The following AKT1S1 variants were observed in gnomAD, a reference collection of about 807,000 sequenced individuals.
AKT1S1 encodes the protein AKT1 substrate 1.
In AKT1S1, 17 loss-of-function variants were observed where a neutral mutation model predicts 21.2. The observed-to-expected ratio is 0.80, with a 90% CI of 0.55 to 1.20. The LOEUF is 1.20. Ranked by LOEUF, AKT1S1 falls within the 50% of genes most tolerant of loss-of-function variation. The pLI is 0.00. For missense variants in AKT1S1, 366 were observed against 368.3 expected, an observed-to-expected ratio of 0.99 and a Z score of 0.05; for synonymous variants, 181 against 165.6, an observed-to-expected ratio of 1.09 and a Z score of -0.72.
intron 4 of AKT1S1, 84 bp downstream of exon 4, chr19:49,871,463 G>C: frequency 6.4e-7 from 1 of 1,556,096 alleles, no homozygotes; most frequent in Admixed American, 1.7e-5. Flanking sequence ...GTGGAAAGCA[G>C]CATCCATGCT....
chr19:49,871,552 C>T lies in AKT1S1; in HGVS notation c.622G>A (p.Gly208Arg). 1 of 1,614,024 alleles carries T rather than the reference C, an allele frequency of 6.2e-7. No individual in the cohort carries two copies. Among genetic ancestry groups the T allele is most frequent in the African/African-American group, 1.3e-5 (1 of 75,044 alleles). The change falls in exon 4 of 5, where the codon GGG (glycine) becomes AGG (arginine). Residue 208 changes from glycine to arginine, a missense_variant. Physicochemically the swap from Gly to Arg is moderately radical, Grantham distance 125. Transcript: ENST00000344175. ...TEARSSDEENGPPSSPDLDRI... is the reference protein window; with the variant it reads ...TEARSSDEENRPPSSPDLDRI... ...TCCCCACATTTGCCCCTCACCGGCCCATTCTCCTCATCTGATGACCGCGCC... is the reference window on the plus strand; with the variant it reads ...TCCCCACATTTGCCCCTCACCGGCCTATTCTCCTCATCTGATGACCGCGCC...
Position 49,873,341 on chromosome 19 carries a change from C to T in AKT1S1, c.-7-39G>A, listed in dbSNP as rs1006323953. ...CAGGACAGAGGGGGCTGAGGCTTGG[C>T]GGCCTACATCATCGCCACCCACTCA... On this transcript the variant is annotated intron_variant, in intron 1 of 4. Transcript: ENST00000344175. This position sits in a 1 kb window ranked among gnomAD's most constrained non-coding sequence, Gnocchi z 6.9. The T allele has an allele frequency of 1.6e-5, 23 of 1,404,268 alleles. No individual in the cohort carries two copies. In the East Asian group the frequency reaches 4.7e-4, roughly 29 times the overall value. The allele number at this position is 1,404,268 out of a possible 1,614,324, so 87.0% of individuals were successfully genotyped here.
chr19:49,877,501 G>T, upstream of AKT1S1: 1 of 547,144 alleles, frequency 1.8e-6, no homozygotes, highest in Admixed American at 3.5e-5. Flanking sequence ...CGCACTCTCC[G>T]TAGCCGGATC....
upstream of AKT1S1, chr19:49,877,971 G>T: frequency 1.5e-6 from 1 of 684,976 alleles, no homozygotes; most frequent in South Asian, 1.9e-5. Context: ...CCTGTGGAAC[G>T]CACGTCAGCA....
Position 49,869,815 on chromosome 19 carries a change from G to C in AKT1S1, c.*102C>G. The C allele has an allele frequency of 8.1e-7, 1 of 1,232,170 alleles. No individual in the cohort carries two copies. The highest frequency in any genetic ancestry group is 1.1e-6 in the Non-Finnish European group (1 of 946,540). 76.3% of individuals were successfully genotyped at this position (1,232,170 alleles called of 1,614,324 possible). ...ATCTTGGGAATGGGAGACGCAAGGAGGCCGGTCCCGGATCGGCCTCAGATT... is the reference window on the plus strand; with the variant it reads ...ATCTTGGGAATGGGAGACGCAAGGACGCCGGTCCCGGATCGGCCTCAGATT... On this transcript the variant is annotated 3_prime_UTR_variant, in exon 5 of 5. Coordinates refer to ENST00000344175, the MANE Select transcript of AKT1S1 (RefSeq NM_001098633.4).
chr19:49,876,721 T>G, intron 1 of AKT1S1: 1 of 1,402,360 alleles, frequency 7.1e-7, no homozygotes, highest in Non-Finnish European at 9.3e-7. Flanking sequence ...GCCTCCCTTA[T>G]CGGGGCCGCC....
intron 2 of AKT1S1, 55 bp from the exon 3 acceptor site, chr19:49,871,944 T>C (rs1347959410): frequency 1.9e-6 from 3 of 1,570,062 alleles, no homozygotes; most frequent in Non-Finnish European, 2.6e-6. Context: ...CCATGCTCCA[T>C]GTGTCCTCCT....
At chr19:49,877,620 C>T (rs2074965089), upstream of AKT1S1, 1 of 1,341,686 alleles carries the variant, frequency 7.5e-7, no homozygotes, top group East Asian at 2.5e-5. Flanking sequence ...ACGGGTCGGG[C>T]CGCTACCACT....
At chr19:49,877,606 T>C, upstream of AKT1S1, 2 of 1,151,530 alleles carry the variant, frequency 1.7e-6, no homozygotes, top group Non-Finnish European at 2.5e-6. Context: ...GCTCCTTCTC[T>C]AGAACGGGTC....
At chr19:49,876,037 G>A in intron 1 of AKT1S1, 1 of 985,492 alleles carries the variant, frequency 1.0e-6, no homozygotes, top group East Asian at 1.1e-4. Context: ...CTCTTTGGAT[G>A]CAGGGAGGAG....
chr19:49,878,178 C>T (rs138066596), upstream of AKT1S1: 114 of 1,577,028 alleles, frequency 7.2e-5, no homozygotes, highest in African/African-American at 1.4e-3. Context: ...ACCTGCACAC[C>T]AGCGCTAAGA....
At position 49,869,960 on chromosome 19, in the gene AKT1S1, C is replaced by T. The variant is rs1464728787; in HGVS notation, c.728G>A (p.Arg243Gln). Residue 243 changes from arginine to glutamine, a missense_variant, in exon 5 of 5, where the codon CGG becomes CAG. Coordinates refer to ENST00000344175, the MANE Select transcript of AKT1S1 (RefSeq NM_001098633.4). ...CTTCTGGAAGTCGCTGGTGTTAAGC[C>T]GCGGCCGTGGCAGGTCCCCGAAGAC... The part of the protein sequence containing the change: ...TQVFGDLPRP[R>Q]LNTSDFQKLK... The T allele has an allele frequency of 2.6e-6, 4 of 1,540,910 alleles. No homozygotes were observed. The highest frequency in any genetic ancestry group is 3.5e-6 in the Non-Finnish European group (4 of 1,139,580).
chr19:49,872,617 C>T (rs930547943), intron 2 of AKT1S1, among the ~76,000 whole-genome samples: 10 of 152,194 alleles, frequency 6.6e-5, no homozygotes, highest in Admixed American at 2.0e-4. Context: ...CAACCCCCAC[C>T]GGGACTCCAG....
In AKT1S1 at chr19:49,871,545, A is replaced by G. The variant is rs555544285; in HGVS notation, c.627+2T>C. The G allele has an allele frequency of 3.1e-6, 5 of 1,613,796 alleles. No individual in the cohort carries two copies. Among genetic ancestry groups the G allele is most frequent in the Non-Finnish European group, 4.2e-6 (5 of 1,179,976 alleles). On this transcript the variant is annotated splice_donor_variant, in intron 4 of 4. Coordinates refer to ENST00000344175, the MANE Select transcript of AKT1S1 (RefSeq NM_001098633.4). LOFTEE classifies it high-confidence loss of function. Reference sequence around the variant, plus strand: ...CCCTACCTCCCCACATTTGCCCCTCACCGGCCCATTCTCCTCATCTGATGA... The same window carrying G: ...CCCTACCTCCCCACATTTGCCCCTCGCCGGCCCATTCTCCTCATCTGATGA...
Position 49,873,201 on chromosome 19 carries a change from G to A in AKT1S1, c.95C>T (p.Thr32Ile), listed in dbSNP as rs1189382926. Residue 32 changes from threonine to isoleucine, a missense_variant, in exon 2 of 5, where the codon ACC becomes ATC. Coordinates refer to ENST00000344175, the MANE Select transcript of AKT1S1 (RefSeq NM_001098633.4). This position sits in a 1 kb window ranked among gnomAD's most constrained non-coding sequence, Gnocchi z 6.9. ...ARTGTELVLLTAAPPPPPRPG... is the reference protein window; with the variant it reads ...ARTGTELVLLIAAPPPPPRPG... ...GCGGGGTGGTGGCGGCGGGGCCGCG[G>A]TCAGCAGCACCAGCTCCGTGCCAGT... is the stretch of plus-strand genomic sequence containing the variant. The A allele has an allele frequency of 5.2e-6, 8 of 1,531,622 alleles. No homozygotes were observed. In the Admixed American group the frequency reaches 7.9e-5, roughly 15 times the overall value. The allele number at this position is 1,531,622 out of a possible 1,614,324, so 94.9% of individuals were successfully genotyped here. A position where few individuals can be genotyped will look rare whatever the true frequency, so the allele number is the denominator to read the frequency against.
Position 49,871,676 on chromosome 19 carries a change from G to A in AKT1S1, c.498C>T (p.Thr166=). 1.2e-6 allele frequency: 2 copies of A among 1,613,616 alleles called. No individual in the cohort carries two copies. Among genetic ancestry groups the A allele is most frequent in the East Asian group, 2.2e-5 (1 of 44,878 alleles). The change falls in exon 4 of 5, where the codon ACC becomes ACT. Residue 166 remains threonine, a synonymous_variant. Transcript: ENST00000344175. ...LSEETPAGPP[T]CSVPPASALP... ...GGGCTGAGGCTGGGGGCACTGAGCA[G>A]GTGGGGGGGCCGGCGGGGGTCTCCT...
At chr19:49,876,162 C>T in intron 1 of AKT1S1, 1 of 1,001,962 alleles carries the variant, frequency 1.0e-6, no homozygotes, top group East Asian at 1.0e-4. Context: ...GGGGTGAGCG[C>T]CTGGGGCCAC....
At chr19:49,877,744 G>C, upstream of AKT1S1, 1 of 1,595,498 alleles carries the variant, frequency 6.3e-7, no homozygotes, top group Non-Finnish European at 8.5e-7. Context: ...CCGGCTACAG[G>C]GTAAGCACTG....
At chr19:49,878,075 T>C, upstream of AKT1S1, 1 of 1,322,180 alleles carries the variant, frequency 7.6e-7, no homozygotes, top group South Asian at 1.3e-5. Flanking sequence ...CCTGGGCCCG[T>C]CCCTATTGGC....
Sources: gnomAD v4.1 joint callset for allele counts (sites outside exome capture counted in the v4.1 genomes callset) on GRCh38, gnomAD v4.1.1 for gene constraint, Gnocchi (gnomAD v3.1) non-coding constraint, MANE v1.5 for transcripts, NCBI Gene and HGNC (gene_info 2026-07-23, HGNC 2026-07-21) for gene names.